ASTN2: variants seen among roughly 807,000 people sequenced by gnomAD.
ASTN2 encodes astrotactin-2.
ASTN2 carries 54 observed loss-of-function variants against 139.8 expected under a neutral mutation model. That is an observed-to-expected ratio of 0.39 (90% confidence interval 0.31 to 0.48). ASTN2 has a LOEUF of 0.48. Ranked by LOEUF, ASTN2 falls within the 20% of genes least tolerant of loss-of-function variation. ASTN2 has a pLI of 0.95. For synonymous variants in ASTN2, 756 were observed against 719.5 expected (o/e 1.05, Z -0.81); for missense variants, 1,565 against 1,725.1 (o/e 0.91, Z 1.64).
chr9:117,159,275 A>C (rs1478190895), intron 3 of ASTN2, among the ~76,000 whole-genome samples: 3 of 151,934 alleles, frequency 2.0e-5, no homozygotes, highest in Non-Finnish European at 4.4e-5. Flanking sequence ...TCTTTGCACC[A>C]TTGTAATTAA....
At chr9:116,885,380 G>A (rs1011056771) in intron 10 of ASTN2, among the ~76,000 whole-genome samples, 1 of 152,056 alleles carries the variant, frequency 6.6e-6, no homozygotes, top group African/African-American at 2.4e-5. Context: ...TTATCTCAAC[G>A]GAGCACGGAG....
In ASTN2 at chr9:117,016,589, GTTTTATATATATA is replaced by G. The variant is rs1564385509; in HGVS notation, c.1424-8343_1424-8331del. 2.0e-3 allele frequency among the ~76,000 whole-genome samples: 93 copies of G among 46,394 alleles called. 1 individual carries two copies. The highest frequency in any genetic ancestry group is 6.2e-3 in the African/African-American group (86 of 13,788). The allele number at this position is 46,394 out of a possible 152,430, so 30.4% of individuals were successfully genotyped here. The stretch of plus-strand genomic sequence containing the variant: ...TCCACTGGGATTTGGGGTATTCTAG[GTTTTATATATATA>G]TCTATATCTATATCTATCTATCTAT... On this transcript the variant is annotated intron_variant, in intron 6 of 22. Coordinates refer to ENST00000313400, the MANE Select transcript of ASTN2 (RefSeq NM_001365068.1).
chr9:117,096,772 G>A (rs1243923262), intron 4 of ASTN2, among the ~76,000 whole-genome samples: 1 of 152,158 alleles, frequency 6.6e-6, no homozygotes, highest in Non-Finnish European at 1.5e-5. Flanking sequence ...TCAACACGGA[G>A]GGCCTGAGAA....
intron 17 of ASTN2, among the ~76,000 whole-genome samples, chr9:116,637,232 T>C (rs1056487747): frequency 1.3e-5 from 2 of 152,212 alleles, no homozygotes; most frequent in Non-Finnish European, 2.9e-5. Flanking sequence ...CTGGGAATGA[T>C]TTCCAGGAGA....
chr9:117,228,231 A>C (rs563660622), intron 2 of ASTN2, among the ~76,000 whole-genome samples: 2 of 152,224 alleles, frequency 1.3e-5, no homozygotes, highest in South Asian at 4.2e-4. Context: ...TGTTTGTTAA[A>C]GAGAGGGACT....
intron 3 of ASTN2, among the ~76,000 whole-genome samples, chr9:117,212,875 A>G (rs1832186083): frequency 6.6e-6 from 1 of 152,204 alleles, no homozygotes. Context: ...AACAGTTTGG[A>G]AGGTCCTCTA....
At chr9:117,119,166 T>C (rs1264396867) in intron 4 of ASTN2, among the ~76,000 whole-genome samples, 22 of 152,182 alleles carry the variant, frequency 1.4e-4, no homozygotes. Flanking sequence ...AAAGAAAAAT[T>C]GTAAATTGCC....
At chr9:117,096,906 G>A (rs1472769254) in intron 4 of ASTN2, among the ~76,000 whole-genome samples, 2 of 152,218 alleles carry the variant, frequency 1.3e-5, no homozygotes, top group Non-Finnish European at 2.9e-5. Context: ...CATGTGGGCA[G>A]TCAGGGGCAA....
intron 1 of ASTN2, among the ~76,000 whole-genome samples, chr9:117,320,231 A>G (rs1411046104): frequency 2.0e-5 from 3 of 152,100 alleles, no homozygotes; most frequent in African/African-American, 7.3e-5. Context: ...GCCCACAATG[A>G]AATGAAACAC....
rs1211127977 is a variant in ASTN2, at chr9:117,414,503, T to A, written c.436A>T (p.Thr146Ser). The A allele has an allele frequency of 1.2e-6, 2 of 1,608,148 alleles. No individual in the cohort carries two copies. The highest frequency in any genetic ancestry group is 8.5e-7 in the Non-Finnish European group (1 of 1,177,888). ...TGCCGGCGCCCAGCCTTACCCAGGG[T>A]GAAGAAGGGCAGCTCGGTGTTGTCC... ...DLDNTELPFF[T>S]LEMSGTAADI... The change falls in exon 1 of 23, where the codon ACC becomes TCC. Residue 146 changes from threonine (T) to serine (S), a missense_variant. By Grantham distance (58) the Thr-to-Ser change is moderately conservative (BLOSUM62 1). Coordinates refer to ENST00000313400, the MANE Select transcript of ASTN2 (RefSeq NM_001365068.1). This position sits in a 1 kb window ranked among gnomAD's most constrained non-coding sequence, Gnocchi z 4.2.
chr9:117,316,000 A>G (rs1285257603), intron 1 of ASTN2, among the ~76,000 whole-genome samples: 1 of 152,184 alleles, frequency 6.6e-6, no homozygotes, highest in Admixed American at 6.5e-5. Context: ...TGAATGAGCT[A>G]TCTCATGTAA....
At chr9:116,919,702 A>G (rs1834546627) in intron 10 of ASTN2, among the ~76,000 whole-genome samples, 2 of 126,704 alleles carry the variant, frequency 1.6e-5, no homozygotes, top group Admixed American at 1.8e-4. Context: ...TCAGCCCTTT[A>G]GGAGGCTGAG....
At chr9:116,796,349 C>T (rs149759344) in intron 13 of ASTN2, among the ~76,000 whole-genome samples, 190 of 152,160 alleles carry the variant, frequency 1.2e-3, no homozygotes, top group Non-Finnish European at 2.3e-3. Context: ...GGTAAAAATT[C>T]GCTTTCCCGA....
intron 19 of ASTN2, among the ~76,000 whole-genome samples, chr9:116,608,605 A>G (rs1855341832): frequency 6.8e-6 from 1 of 146,996 alleles, no homozygotes; most frequent in African/African-American, 2.5e-5. Context: ...ATTTTGAACA[A>G]AAGAGTTTGA....
intron 3 of ASTN2, among the ~76,000 whole-genome samples, chr9:117,194,113 T>G (rs1356065296): frequency 6.6e-6 from 1 of 151,978 alleles, no homozygotes; most frequent in Admixed American, 6.6e-5. Flanking sequence ...GCCTATAGGG[T>G]TGGGTAAAAG....
At chr9:117,360,395 AG>A (rs928946564) in intron 1 of ASTN2, among the ~76,000 whole-genome samples, 2 of 152,224 alleles carry the variant, frequency 1.3e-5, no homozygotes, top group African/African-American at 4.8e-5. Context: ...GTAGTCAGAG[AG>A]GGCCTCTCAT....
At chr9:116,826,350 A>G (rs1831626995) in intron 11 of ASTN2, among the ~76,000 whole-genome samples, 1 of 152,206 alleles carries the variant, frequency 6.6e-6, no homozygotes, top group South Asian at 2.1e-4. Flanking sequence ...CACAGCCCAC[A>G]GCTGGCACCA....
intron 19 of ASTN2, among the ~76,000 whole-genome samples, chr9:116,597,303 T>C (rs1854633793): frequency 8.1e-6 from 1 of 123,338 alleles, no homozygotes; most frequent in Non-Finnish European, 1.6e-5. Context: ...TGATCTATTT[T>C]TTTTTTTTTT....
chr9:117,159,270 G>T (rs1476784139), intron 3 of ASTN2, among the ~76,000 whole-genome samples: 1 of 151,704 alleles, frequency 6.6e-6, no homozygotes. Context: ...CCCCTTCTTT[G>T]CACCATTGTA....
Sources: allele counts gnomAD v4.1 joint callset (sites outside exome capture counted in the v4.1 genomes callset), GRCh38; gene constraint gnomAD v4.1.1; non-coding constraint Gnocchi (gnomAD v3.1); transcripts MANE v1.5; gene names NCBI Gene and HGNC (gene_info 2026-07-23, HGNC 2026-07-21).